NCOA7: variants seen among roughly 807,000 people sequenced by gnomAD.
NCOA7 encodes 140 kDa estrogen receptor-associated protein.
Under a neutral mutation model 104.3 loss-of-function variants are expected in NCOA7, and 45 were observed. That is an observed-to-expected ratio of 0.43 (90% confidence interval 0.34 to 0.55). NCOA7 has a LOEUF of 0.55. NCOA7 is among the 20% of genes least tolerant of loss of function. The probability of loss-of-function intolerance (pLI) is 0.02; values close to 1 mark genes in which losing one functional copy is unlikely to be tolerated. For synonymous variants in NCOA7, 398 were observed against 402.3 expected (o/e 0.99, Z 0.13); for missense variants, 1,041 against 1,119.7 (o/e 0.93, Z 1.00).
At chr6:125,892,047 G>A (rs1784658208) in intron 10 of NCOA7, among the ~76,000 whole-genome samples, 1 of 152,180 alleles carries the variant, frequency 6.6e-6, no homozygotes, top group African/African-American at 2.4e-5. Flanking sequence ...GAATTTTACA[G>A]CTGAATAATA....
chr6:125,795,285 G>A (rs150037010), intron 1 of NCOA7, among the ~76,000 whole-genome samples: 1 of 152,138 alleles, frequency 6.6e-6, no homozygotes, highest in Non-Finnish European at 1.5e-5. Flanking sequence ...GGGGACCTAG[G>A]CAGGTTTTTA....
At chr6:125,874,253 A>C (rs1158820340) in intron 3 of NCOA7, among the ~76,000 whole-genome samples, 1 of 152,158 alleles carries the variant, frequency 6.6e-6, no homozygotes, top group African/African-American at 2.4e-5. Context: ...TGAACCCGGG[A>C]GACAGAGGTT....
upstream of NCOA7, among the ~76,000 whole-genome samples, chr6:125,788,604 C>T (rs978006878): frequency 1.3e-5 from 2 of 150,756 alleles, no homozygotes; most frequent in African/African-American, 4.9e-5. Flanking sequence ...GGTGCAATCT[C>T]CGCTCGCTGC....
intron 10 of NCOA7, among the ~76,000 whole-genome samples, chr6:125,898,482 G>C (rs920348230): frequency 2.0e-5 from 3 of 152,328 alleles, no homozygotes; most frequent in Admixed American, 6.5e-5. Flanking sequence ...TAAGAGAGCA[G>C]ATTGGGCAAC....
At chr6:125,885,071 G>T (rs1243265135) in intron 7 of NCOA7, 88 bp from the exon 8 acceptor site, 35 of 1,342,078 alleles carry the variant, frequency 2.6e-5, no homozygotes, top group Non-Finnish European at 3.5e-5. Context: ...AGTCCATGGA[G>T]TGGCCATCTG....
At chr6:125,820,070 C>T (rs1322003919) in intron 2 of NCOA7, among the ~76,000 whole-genome samples, 1 of 152,066 alleles carries the variant, frequency 6.6e-6, no homozygotes, top group Non-Finnish European at 1.5e-5. Context: ...TCCCACCTCC[C>T]CTATTCCCTG....
chr6:125,860,039 C>T (rs1295885613), intron 3 of NCOA7, among the ~76,000 whole-genome samples: 7 of 152,096 alleles, frequency 4.6e-5, no homozygotes, highest in South Asian at 4.1e-4. Flanking sequence ...AAATCTAGAT[C>T]CAACACCTAG....
Position 125,811,248 on chromosome 6 carries a change from G to A in NCOA7, c.-64-4043G>A, listed in dbSNP as rs547390569. 4.6e-5 allele frequency among the ~76,000 whole-genome samples: 7 copies of A among 152,234 alleles called. No homozygotes were observed. In the South Asian group the frequency reaches 1.5e-3, roughly 32 times the overall value. ...GGGAGGAATTTTTGGATTTGTATTG[G>A]TCTGCCATATAATTGACGTTATCCC... On this transcript the variant is annotated intron_variant, in intron 1 of 15. Transcript: ENST00000392477.
chr6:125,880,590 C>T (rs1381286917), intron 5 of NCOA7, among the ~76,000 whole-genome samples: 3 of 151,874 alleles, frequency 2.0e-5, no homozygotes, highest in Admixed American at 6.6e-5. Flanking sequence ...TGCAGTGGCA[C>T]GATCTTGGCT....
At chr6:125,894,150 C>T (rs9385388) in intron 10 of NCOA7, among the ~76,000 whole-genome samples, 47,277 of 149,090 alleles carry the variant, frequency 0.32, 8,937 homozygotes, top group East Asian at 0.52. Flanking sequence ...TTTTGGACTA[C>T]GTAGTTTGTT....
chr6:125,840,373 T>A (rs759663679), intron 2 of NCOA7, among the ~76,000 whole-genome samples: 1 of 151,842 alleles, frequency 6.6e-6, no homozygotes, highest in African/African-American at 2.4e-5. Flanking sequence ...AGGGAAAAAA[T>A]TATATAAATT....
At chr6:125,913,326 A>G (rs1279011642) in intron 10 of NCOA7, among the ~76,000 whole-genome samples, 1 of 152,226 alleles carries the variant, frequency 6.6e-6, no homozygotes, top group African/African-American at 2.4e-5. Context: ...TTCTTCCTTA[A>G]GAGACCTCTG....
chr6:125,833,525 A>G (rs571035592), intron 2 of NCOA7, among the ~76,000 whole-genome samples: 5 of 147,270 alleles, frequency 3.4e-5, no homozygotes, highest in Admixed American at 7.0e-5. Context: ...GTGAGCTGAG[A>G]TCACACCACT....
intron 7 of NCOA7, among the ~76,000 whole-genome samples, chr6:125,884,836 C>A (rs1008573112): frequency 2.0e-5 from 3 of 152,132 alleles, no homozygotes; most frequent in African/African-American, 7.2e-5. Flanking sequence ...ATTTTGCAGA[C>A]AGAGAACTAG....
Position 125,827,188 on chromosome 6 carries a change from CAAAAAAAA to C in NCOA7, c.50+11805_50+11812del, listed in dbSNP as rs66522338. ...GGGCAACAAGAGTGAAACTCCATCT[CAAAAAAAA>C]AAAAAAAAAAAAAAAAAAAAGTGAG... is the stretch of plus-strand genomic sequence containing the variant. On this transcript the variant is annotated intron_variant, in intron 2 of 15. Coordinates refer to ENST00000392477, the MANE Select transcript of NCOA7 (RefSeq NM_181782.5). Among the ~76,000 whole-genome samples, 437 of 79,012 alleles carry C rather than the reference CAAAAAAAA, an allele frequency of 5.5e-3. 2 individuals are homozygous for C. The highest frequency in any genetic ancestry group is 0.034 in the African/African-American group (410 of 12,046). 51.8% of individuals were successfully genotyped at this position (79,012 alleles called of 152,430 possible).
intron 8 of NCOA7, among the ~76,000 whole-genome samples, chr6:125,888,487 A>C (rs1784408011): frequency 6.6e-6 from 1 of 151,904 alleles, no homozygotes; most frequent in African/African-American, 2.4e-5. Flanking sequence ...GAGCTTTTCA[A>C]AATTAATGTA....
chr6:125,865,336 G>T lies in NCOA7; in HGVS notation c.272-9553G>T, dbSNP rs1306848823. ...CCTGTGCTTTAAGCCTTGCATTTTAGATTTTAGCACAGTATGACTCATTTT... is the reference window on the plus strand; with the variant it reads ...CCTGTGCTTTAAGCCTTGCATTTTATATTTTAGCACAGTATGACTCATTTT... On this transcript the variant is annotated intron_variant, in intron 3 of 15. Transcript: ENST00000392477. Among the ~76,000 whole-genome samples the T allele has an allele frequency of 2.9e-5, 4 of 137,912 alleles. 1 individual carries two copies. The highest frequency in any genetic ancestry group is 9.1e-5 in the African/African-American group (3 of 32,948). The allele number at this position is 137,912 out of a possible 152,430, so 90.5% of individuals were successfully genotyped here. A position where few individuals can be genotyped will look rare whatever the true frequency, so the allele number is the denominator to read the frequency against.
At chr6:125,828,336 T>C (rs919552588) in intron 2 of NCOA7, among the ~76,000 whole-genome samples, 16 of 152,218 alleles carry the variant, frequency 1.1e-4, no homozygotes, top group African/African-American at 3.9e-4. Flanking sequence ...CTGCAAAGTA[T>C]CCATTAAGAT....
intron 10 of NCOA7, among the ~76,000 whole-genome samples, chr6:125,911,099 C>T (rs1208789734): frequency 6.6e-6 from 1 of 152,142 alleles, no homozygotes; most frequent in African/African-American, 2.4e-5. Flanking sequence ...GTTCTGGGAG[C>T]CCACGGTATT....
Sources: gnomAD v4.1 joint callset for allele counts (sites outside exome capture counted in the v4.1 genomes callset) on GRCh38, gnomAD v4.1.1 for gene constraint, MANE v1.5 for transcripts, NCBI Gene and HGNC (gene_info 2026-07-23, HGNC 2026-07-21) for gene names.